RBMS3: variants seen among roughly 807,000 people sequenced by gnomAD.
RBMS3 encodes the protein RNA-binding motif, single-stranded-interacting protein 3.
Under a neutral mutation model 66.8 loss-of-function variants are expected in RBMS3, and 27 were observed. That is an observed-to-expected ratio of 0.40 (90% CI 0.30 to 0.56). The LOEUF (loss-of-function observed/expected upper bound fraction) is 0.56, where lower values mean the gene tolerates loss of function less well. Ranked by LOEUF, RBMS3 falls within the 20% of genes least tolerant of loss-of-function variation. The probability of loss-of-function intolerance (pLI) is 0.40; values close to 1 mark genes in which losing one functional copy is unlikely to be tolerated. For synonymous variants in RBMS3, 188 were observed against 183.0 expected, an observed-to-expected ratio of 1.03 and a Z score of -0.22; for missense variants, 513 against 549.5, an observed-to-expected ratio of 0.93 and a Z score of 0.66.
intron 6 of RBMS3, among the ~76,000 whole-genome samples, chr3:29,815,692 C>T (rs1383161600): frequency 6.6e-6 from 1 of 152,086 alleles, no homozygotes; most frequent in Non-Finnish European, 1.5e-5. Context: ...GAATGGAAAA[C>T]CAAATATCCT....
Position 29,787,463 on chromosome 3 carries a change from A to G in RBMS3, c.637+24474A>G, listed in dbSNP as rs994429797. Among the ~76,000 whole-genome samples the G allele has an allele frequency of 4.7e-5, 7 of 150,322 alleles. No homozygotes were observed. In the East Asian group the frequency reaches 1.4e-3, roughly 30 times the overall value. On this transcript the variant is annotated intron_variant, in intron 6 of 14. Transcript: ENST00000383767. ...CCCACCAATCAATGAGTAGATAAAG[A>G]AAATGTGGTATATATACGCTGTGGA... is the stretch of plus-strand genomic sequence containing the variant.
chr3:29,798,290 AGAAGGGAAGGGAGGGGAAGGGAGGG>A (rs2057270338), intron 6 of RBMS3, among the ~76,000 whole-genome samples: 1 of 80,574 alleles, frequency 1.2e-5, no homozygotes, highest in Non-Finnish European at 2.3e-5. Flanking sequence ...GGAAGGGAAG[AGAAGGGAAGGGAGGGGAAGGGAGGG>A]GAAGGGAAGG....
intron 1 of RBMS3, among the ~76,000 whole-genome samples, chr3:29,397,850 C>T (rs1203716129): frequency 6.6e-6 from 1 of 152,076 alleles, no homozygotes; most frequent in Non-Finnish European, 1.5e-5. Context: ...TGCCTGGCTA[C>T]ATTTCTCTAT....
At chr3:29,435,973 C>CAAAAA (rs71091061) in intron 2 of RBMS3, among the ~76,000 whole-genome samples, 2 of 138,032 alleles carry the variant, frequency 1.4e-5, no homozygotes, top group African/African-American at 5.4e-5. Context: ...GACTCCGTCT[C>CAAAAA]AAAAAAAAAA....
chr3:29,525,249 G>T (rs1173566729), intron 3 of RBMS3, among the ~76,000 whole-genome samples: 2 of 151,940 alleles, frequency 1.3e-5, no homozygotes, highest in African/African-American at 2.4e-5. Flanking sequence ...ATATGATTGT[G>T]TTATTAGGGA....
chr3:29,543,351 A>T (rs907644891), intron 3 of RBMS3, among the ~76,000 whole-genome samples: 2 of 151,708 alleles, frequency 1.3e-5, no homozygotes, highest in Admixed American at 6.6e-5. Flanking sequence ...TTAGAAAAAA[A>T]TGTTCTGAAA....
At chr3:29,979,800 G>A (rs890737323) in intron 12 of RBMS3, among the ~76,000 whole-genome samples, 3 of 152,200 alleles carry the variant, frequency 2.0e-5, no homozygotes, top group Admixed American at 6.5e-5. Context: ...ATTCCATGGT[G>A]TATATGTGCC....
chr3:29,368,253 C>T (rs1310195042), intron 1 of RBMS3, among the ~76,000 whole-genome samples: 1 of 152,132 alleles, frequency 6.6e-6, no homozygotes, highest in Non-Finnish European at 1.5e-5. Context: ...AAGGTCTGTG[C>T]AGTAAAGCTG....
At chr3:29,665,363 A>G (rs2050710465) in intron 4 of RBMS3, among the ~76,000 whole-genome samples, 2 of 152,220 alleles carry the variant, frequency 1.3e-5, no homozygotes, top group South Asian at 2.1e-4. Context: ...TAAAAAATCA[A>G]TATAGTTTGA....
intron 10 of RBMS3, among the ~76,000 whole-genome samples, chr3:29,914,246 G>T (rs1221718064): frequency 6.6e-6 from 1 of 151,910 alleles, no homozygotes; most frequent in Non-Finnish European, 1.5e-5. Flanking sequence ...TAGGTAGAAA[G>T]TGGGGTCCTT....
At chr3:29,415,747 C>T (rs1297713494) in intron 1 of RBMS3, among the ~76,000 whole-genome samples, 1 of 151,716 alleles carries the variant, frequency 6.6e-6, no homozygotes, top group African/African-American at 2.4e-5. Context: ...GACTTGGGGC[C>T]TGGCTAAGAC....
intron 1 of RBMS3, among the ~76,000 whole-genome samples, chr3:29,352,791 T>C (rs2036991163): frequency 6.6e-6 from 1 of 152,058 alleles, no homozygotes; most frequent in East Asian, 1.9e-4. Context: ...ACTCTCACTC[T>C]TTATGAGATC....
chr3:29,956,987 A>G (rs1438748283), intron 12 of RBMS3, among the ~76,000 whole-genome samples: 2 of 152,124 alleles, frequency 1.3e-5, no homozygotes, highest in African/African-American at 4.8e-5. Flanking sequence ...GTCTTTGCAT[A>G]AGTGGGAGTA....
chr3:29,807,129 G>A (rs1268340419), intron 6 of RBMS3, among the ~76,000 whole-genome samples: 1 of 151,782 alleles, frequency 6.6e-6, no homozygotes, highest in African/African-American at 2.4e-5. Flanking sequence ...GGCTGTAACA[G>A]GTTCAAAGGA....
At chr3:29,337,937 A>C (rs942375065) in intron 1 of RBMS3, among the ~76,000 whole-genome samples, 2 of 152,194 alleles carry the variant, frequency 1.3e-5, no homozygotes, top group Non-Finnish European at 2.9e-5. Flanking sequence ...CTTGGAAAAC[A>C]ACTCTGTTGA....
At chr3:29,705,657 C>T (rs1327637636) in intron 4 of RBMS3, among the ~76,000 whole-genome samples, 2 of 152,104 alleles carry the variant, frequency 1.3e-5, no homozygotes, top group Non-Finnish European at 2.9e-5. Context: ...GTCCACCCTC[C>T]TGCACATCTC....
chr3:29,563,732 T>A (rs181643926), intron 3 of RBMS3, among the ~76,000 whole-genome samples: 1 of 152,190 alleles, frequency 6.6e-6, no homozygotes, highest in East Asian at 1.9e-4. Flanking sequence ...GTATATTTAA[T>A]AGAAAATGTT....
intron 4 of RBMS3, among the ~76,000 whole-genome samples, chr3:29,676,968 A>C (rs1214306994): frequency 6.6e-6 from 1 of 152,106 alleles, no homozygotes; most frequent in Non-Finnish European, 1.5e-5. Context: ...GCTGTACGGG[A>C]AGCATGACAG....
At chr3:29,442,554 A>G (rs4146794) in intron 2 of RBMS3, among the ~76,000 whole-genome samples, 136,398 of 152,164 alleles carry the variant, frequency 0.9, 61,278 homozygotes, top group Non-Finnish European at 0.93. Flanking sequence ...AGATGTAAAA[A>G]GATGTGATCA....
Sources: allele counts gnomAD v4.1 joint callset (sites outside exome capture counted in the v4.1 genomes callset), GRCh38; gene constraint gnomAD v4.1.1; transcripts MANE v1.5; gene names NCBI Gene and HGNC (gene_info 2026-07-23, HGNC 2026-07-21).